Variants in DENND4A observed in about 807,000 individuals in gnomAD.
DENND4A encodes the protein DENN domain containing 4A.
Under a neutral mutation model 199.3 loss-of-function variants are expected in DENND4A, and 70 were observed. That is an observed-to-expected ratio of 0.35 (90% CI 0.29 to 0.43). The LOEUF (loss-of-function observed/expected upper bound fraction) is 0.43, where lower values mean the gene tolerates loss of function less well. Ranked by LOEUF, DENND4A falls within the 20% of genes least tolerant of loss-of-function variation. The pLI, the probability that DENND4A is intolerant of heterozygous loss-of-function variation, is 1.00. For missense variants in DENND4A, 1,723 were observed against 2,255.8 expected (o/e 0.76, Z 4.78); for synonymous variants, 686 against 766.9 (o/e 0.89, Z 1.74).
chr15:65,685,361 C>G (rs1035549853), intron 23 of DENND4A, among the ~76,000 whole-genome samples: 2 of 152,042 alleles, frequency 1.3e-5, no homozygotes, highest in Non-Finnish European at 2.9e-5. Context: ...CTCCTGACCT[C>G]GTGATTCGCC....
At chr15:65,769,388 C>T (rs1474577136) in intron 1 of DENND4A, among the ~76,000 whole-genome samples, 1 of 152,086 alleles carries the variant, frequency 6.6e-6, no homozygotes, top group South Asian at 2.1e-4. Flanking sequence ...ATTTGTTGTT[C>T]CTGTTTTAAT....
At chr15:65,758,196 G>A (rs2076762346) in intron 2 of DENND4A, among the ~76,000 whole-genome samples, 1 of 152,106 alleles carries the variant, frequency 6.6e-6, no homozygotes, top group Non-Finnish European at 1.5e-5. Context: ...ATAAAAGTAG[G>A]TAAGAGAGTG....
At chr15:65,771,522 A>C (rs1424415601) in intron 1 of DENND4A, 1 of 1,611,626 alleles carries the variant, frequency 6.2e-7, no homozygotes, top group Non-Finnish European at 8.5e-7. Flanking sequence ...TGGCTTAATA[A>C]TGACACGAGG....
chr15:65,666,945 AG>A (rs1338184498), intron 29 of DENND4A, among the ~76,000 whole-genome samples: 1 of 152,160 alleles, frequency 6.6e-6, no homozygotes, highest in African/African-American at 2.4e-5. Context: ...CAAAAAAAAA[AG>A]ACTCTTATTG....
At chr15:65,668,270 G>GTGA (rs1227898041) in intron 27 of DENND4A, 147 bp from the exon 28 acceptor site, 4 of 608,038 alleles carry the variant, frequency 6.6e-6, no homozygotes, top group Non-Finnish European at 1.1e-5. Flanking sequence ...CTGCAGTGGT[G>GTGA]TGATCTCAGC....
intron 24 of DENND4A, 31 bp from the exon 25 acceptor site, chr15:65,671,917 A>G (rs2076231306): frequency 9.2e-6 from 12 of 1,301,342 alleles, no homozygotes; most frequent in Non-Finnish European, 1.3e-5. Context: ...AAGAACAGAA[A>G]CCATTAAAAT....
intron 13 of DENND4A, among the ~76,000 whole-genome samples, chr15:65,717,308 A>G (rs1166939704): frequency 6.6e-6 from 1 of 152,252 alleles, no homozygotes; most frequent in African/African-American, 2.4e-5. Context: ...GTTGCACTCC[A>G]GAACTTCCCA....
chr15:65,728,487 CT>C (rs201253758), intron 11 of DENND4A, among the ~76,000 whole-genome samples: 14,811 of 138,312 alleles, frequency 0.11, 1,032 homozygotes, highest in African/African-American at 0.23. Flanking sequence ...TTTTCTTTTT[CT>C]TTTTTTTTTT....
At position 65,703,139 on chromosome 15, in the gene DENND4A, G is replaced by A. The variant is rs191152499; in HGVS notation, c.2088-131C>T. On this transcript the variant is annotated intron_variant, in intron 15 of 32. Coordinates refer to ENST00000443035, the MANE Select transcript of DENND4A (RefSeq NM_001320835.1). The stretch of plus-strand genomic sequence containing the variant: ...AGAATTTAACTATCTTTCTTTGTCA[G>A]GCTGTGATATACACTCAACAAATAT... 72 of 809,886 alleles carry A rather than the reference G, an allele frequency of 8.9e-5. No homozygotes were observed. In the African/African-American group the frequency reaches 1.0e-3, roughly 11 times the overall value. 50.2% of individuals were successfully genotyped at this position (809,886 alleles called of 1,614,324 possible). A position where few individuals can be genotyped will look rare whatever the true frequency, so the allele number is the denominator to read the frequency against.
chr15:65,788,379 C>G (rs888011572), intron 1 of DENND4A, among the ~76,000 whole-genome samples: 1 of 152,060 alleles, frequency 6.6e-6, no homozygotes, highest in African/African-American at 2.4e-5. Context: ...CTGGCCAGCG[C>G]TGGTTAAGAG....
intron 1 of DENND4A, among the ~76,000 whole-genome samples, chr15:65,776,706 T>C (rs1421706150): frequency 6.6e-6 from 1 of 152,194 alleles, no homozygotes; most frequent in Non-Finnish European, 1.5e-5. Context: ...AGACTCAATT[T>C]TCTCCCAGAG....
intron 5 of DENND4A, among the ~76,000 whole-genome samples, chr15:65,741,418 A>G (rs2076258115): frequency 6.6e-6 from 1 of 152,244 alleles, no homozygotes; most frequent in Non-Finnish European, 1.5e-5. Context: ...AGAAATATTA[A>G]TTTAAAATGA....
intron 11 of DENND4A, chr15:65,727,834 G>C (rs1465916630): frequency 2.0e-5 from 8 of 399,108 alleles, no homozygotes; most frequent in Middle Eastern, 7.1e-4. Context: ...TTATAAAAAG[G>C]CTTTAAAAAT....
chr15:65,785,153 G>C (rs903195939), intron 1 of DENND4A, among the ~76,000 whole-genome samples: 4 of 151,398 alleles, frequency 2.6e-5, no homozygotes, highest in African/African-American at 9.7e-5. Context: ...CATGGCTTTT[G>C]TAGTGGTAAA....
chr15:65,667,672 C>G lies in DENND4A; in HGVS notation c.5018G>C (p.Ser1673Thr), dbSNP rs375622618. Reference protein sequence around the residue: ...DSLGLEWHLPSPDPVTVPYLS... With the variant: ...DSLGLEWHLPTPDPVTVPYLS... Reference sequence around the variant, plus strand: ...ATACGGAACAGTGACAGGATCGGGACTTGGAAGGTGCCATTCTAAACCTAA... The same window carrying G: ...ATACGGAACAGTGACAGGATCGGGAGTTGGAAGGTGCCATTCTAAACCTAA... Residue 1673 changes from serine (S) to threonine (T), a missense_variant, in exon 29 of 33, where the codon AGT becomes ACT. Around this residue, in one of 6 missense-constraint regions of DENND4A, gnomAD observed 141 missense variants for 170.7 expected, o/e 0.83. Coordinates refer to ENST00000443035, the MANE Select transcript of DENND4A (RefSeq NM_001320835.1). 6.2e-7 allele frequency: 1 copy of G among 1,613,690 alleles called. No individual in the cohort carries two copies. The highest frequency in any genetic ancestry group is 2.2e-5 in the East Asian group (1 of 44,882).
chr15:65,735,020 C>A (rs527861521), intron 7 of DENND4A, among the ~76,000 whole-genome samples: 2 of 152,234 alleles, frequency 1.3e-5, no homozygotes, highest in African/African-American at 4.8e-5. Context: ...GAGGTCCAGG[C>A]TGCAGTTAGC....
At chr15:65,790,484 T>C (rs747030288) in intron 1 of DENND4A, among the ~76,000 whole-genome samples, 2 of 152,112 alleles carry the variant, frequency 1.3e-5, no homozygotes, top group Non-Finnish European at 2.9e-5. Context: ...TAAAAAATAA[T>C]ATAAAACAAA....
intron 23 of DENND4A, among the ~76,000 whole-genome samples, chr15:65,685,066 A>C (rs1263914701): frequency 1.3e-5 from 2 of 151,352 alleles, no homozygotes; most frequent in Non-Finnish European, 2.9e-5. Context: ...ACCTCAGGGG[A>C]TCTGCCCGCC....
At chr15:65,728,270 T>C (rs1284518955) in intron 11 of DENND4A, among the ~76,000 whole-genome samples, 2 of 152,132 alleles carry the variant, frequency 1.3e-5, no homozygotes, top group African/African-American at 4.8e-5. Context: ...CCCAAAGTGC[T>C]GGGATTATAG....
Sources: allele counts gnomAD v4.1 joint callset (sites outside exome capture counted in the v4.1 genomes callset), GRCh38; gene constraint gnomAD v4.1.1; regional missense constraint gnomAD v4.1.1; transcripts MANE v1.5; gene names NCBI Gene and HGNC (gene_info 2026-07-23, HGNC 2026-07-21).